CLSTN2: variants seen among roughly 807,000 people sequenced by gnomAD.
CLSTN2 encodes the protein calsyntenin 2.
CLSTN2 carries 48 observed loss-of-function variants against 101.2 expected under a neutral mutation model. That is an observed-to-expected ratio of 0.47 (90% CI 0.38 to 0.60). CLSTN2 has a LOEUF of 0.60. CLSTN2 is among the 20% of genes least tolerant of loss of function. The probability of loss-of-function intolerance (pLI) is 0.00; values close to 1 mark genes in which losing one functional copy is unlikely to be tolerated. For synonymous variants in CLSTN2, 481 were observed against 463.6 expected, an observed-to-expected ratio of 1.04 and a Z score of -0.48; for missense variants, 1,160 against 1,238.2, an observed-to-expected ratio of 0.94 and a Z score of 0.95.
intron 2 of CLSTN2, among the ~76,000 whole-genome samples, chr3:140,247,392 G>A (rs945751939): frequency 3.9e-5 from 6 of 152,178 alleles, no homozygotes; most frequent in African/African-American, 1.4e-4. Context: ...GTCCTCTCTT[G>A]CCCCACTGTG....
chr3:140,364,284 T>C lies in CLSTN2; in HGVS notation c.233-39345T>C, dbSNP rs145856390. 6.0e-3 allele frequency among the ~76,000 whole-genome samples: 919 copies of C among 152,226 alleles called. 8 individuals are homozygous for C. The highest frequency in any genetic ancestry group is 0.037 in the Middle Eastern group (11 of 294). ...GAGGTCTGAATGGTGCTGGCCCTTCTCCTTGCCCTTAATGCCCTCAAGCTG... is the reference window on the plus strand; with the variant it reads ...GAGGTCTGAATGGTGCTGGCCCTTCCCCTTGCCCTTAATGCCCTCAAGCTG... On this transcript the variant is annotated intron_variant, in intron 2 of 16. Transcript: ENST00000458420.
chr3:140,105,956 A>G (rs769627465), intron 1 of CLSTN2, among the ~76,000 whole-genome samples: 1 of 152,166 alleles, frequency 6.6e-6, no homozygotes, highest in African/African-American at 2.4e-5. Context: ...TCCCCTATTT[A>G]GTCTGCAGAG....
intron 4 of CLSTN2, among the ~76,000 whole-genome samples, chr3:140,406,466 A>G (rs1397620211): frequency 6.6e-6 from 1 of 152,254 alleles, no homozygotes; most frequent in Non-Finnish European, 1.5e-5. Flanking sequence ...CACAGTGTCA[A>G]TGCACAAGCA....
intron 1 of CLSTN2, among the ~76,000 whole-genome samples, chr3:139,970,656 A>G (rs564006511): frequency 8.9e-4 from 136 of 152,306 alleles, no homozygotes; most frequent in African/African-American, 2.9e-3. Flanking sequence ...GCAGTGGACC[A>G]TAGTGGGCCC....
At chr3:140,555,359 C>T (rs189388817) in intron 10 of CLSTN2, among the ~76,000 whole-genome samples, 1 of 152,220 alleles carries the variant, frequency 6.6e-6, no homozygotes, top group Admixed American at 6.5e-5. Context: ...ATAGGGCAAA[C>T]ATGTATAAGT....
intron 11 of CLSTN2, among the ~76,000 whole-genome samples, 173 bp from the exon 12 acceptor site, chr3:140,558,467 G>A (rs529063605): frequency 7.9e-4 from 120 of 152,192 alleles, no homozygotes; most frequent in Non-Finnish European, 1.6e-3. Flanking sequence ...GATCACTAGT[G>A]GTTTTGATTA....
chr3:140,393,585 G>A (rs953178891), intron 2 of CLSTN2, among the ~76,000 whole-genome samples: 4 of 152,178 alleles, frequency 2.6e-5, no homozygotes, highest in African/African-American at 9.7e-5. Flanking sequence ...ATGGTAAACG[G>A]CCATTATATT....
At chr3:140,294,059 G>A (rs1415742412) in intron 2 of CLSTN2, among the ~76,000 whole-genome samples, 2 of 152,226 alleles carry the variant, frequency 1.3e-5, no homozygotes, top group Non-Finnish European at 2.9e-5. Flanking sequence ...CAGTTGGACT[G>A]AGGGATCTCT....
At chr3:140,513,772 T>G (rs1401203548) in intron 8 of CLSTN2, among the ~76,000 whole-genome samples, 2 of 152,086 alleles carry the variant, frequency 1.3e-5, no homozygotes, top group Non-Finnish European at 2.9e-5. Flanking sequence ...GCCTGGGCTT[T>G]TTTTGGTTGG....
intron 1 of CLSTN2, among the ~76,000 whole-genome samples, chr3:140,110,572 A>G (rs1052217103): frequency 6.6e-6 from 1 of 152,268 alleles, no homozygotes; most frequent in African/African-American, 2.4e-5. Flanking sequence ...TTAAAAAGCT[A>G]GCTATGGATG....
intron 1 of CLSTN2, among the ~76,000 whole-genome samples, chr3:140,048,794 C>T (rs563963574): frequency 1.4e-3 from 212 of 152,270 alleles, no homozygotes; most frequent in African/African-American, 4.8e-3. Context: ...ACTGAGGCCA[C>T]AGCCCTCCAG....
intron 2 of CLSTN2, among the ~76,000 whole-genome samples, chr3:140,182,413 C>A (rs554710672): frequency 6.6e-6 from 1 of 152,254 alleles, no homozygotes; most frequent in African/African-American, 2.4e-5. Flanking sequence ...ACATCAGGAC[C>A]TCATTTCCCT....
intron 8 of CLSTN2, among the ~76,000 whole-genome samples, chr3:140,521,750 C>T (rs1025270109): frequency 7.9e-5 from 12 of 152,338 alleles, no homozygotes; most frequent in African/African-American, 1.2e-4. Flanking sequence ...AAAGAAATGA[C>T]GGTCACATCT....
intron 2 of CLSTN2, among the ~76,000 whole-genome samples, chr3:140,398,501 T>C (rs1314057470): frequency 6.6e-6 from 1 of 152,208 alleles, no homozygotes; most frequent in African/African-American, 2.4e-5. Context: ...TTAGTATTAA[T>C]ATGATGATCA....
chr3:140,292,756 G>A (rs924659353), intron 2 of CLSTN2, among the ~76,000 whole-genome samples: 7 of 152,170 alleles, frequency 4.6e-5, no homozygotes, highest in East Asian at 1.9e-4. Flanking sequence ...CAATATAGCC[G>A]TCATGGGGCT....
chr3:140,487,971 C>T (rs1934271721), intron 8 of CLSTN2, among the ~76,000 whole-genome samples: 2 of 152,160 alleles, frequency 1.3e-5, no homozygotes, highest in African/African-American at 4.8e-5. Context: ...TTGATATCAG[C>T]CACTTATTTT....
chr3:140,198,166 G>C (rs1042116117), intron 2 of CLSTN2, among the ~76,000 whole-genome samples: 1 of 152,136 alleles, frequency 6.6e-6, no homozygotes, highest in Non-Finnish European at 1.5e-5. Context: ...ATAGTGGATG[G>C]TTGCTCTTAA....
chr3:140,098,475 G>A (rs562755741), intron 1 of CLSTN2, among the ~76,000 whole-genome samples: 2 of 152,322 alleles, frequency 1.3e-5, no homozygotes, highest in South Asian at 2.1e-4. Context: ...ATTGTTTGAT[G>A]TTAAATCCTT....
chr3:140,395,724 T>G (rs2088174808), intron 2 of CLSTN2, among the ~76,000 whole-genome samples: 1 of 152,152 alleles, frequency 6.6e-6, no homozygotes. Flanking sequence ...TACCTCTTGA[T>G]GTGATTGGCA....
Sources: allele counts gnomAD v4.1 joint callset (sites outside exome capture counted in the v4.1 genomes callset), GRCh38; gene constraint gnomAD v4.1.1; transcripts MANE v1.5; gene names NCBI Gene and HGNC (gene_info 2026-07-23, HGNC 2026-07-21).